GPHN: variants seen among roughly 807,000 people sequenced by gnomAD.
The protein encoded by GPHN is gephyrin.
GPHN carries 17 observed loss-of-function variants against 95.5 expected under a neutral mutation model. The observed-to-expected ratio is 0.18, with a 90% CI of 0.12 to 0.27. The LOEUF is 0.27. Ranked by LOEUF, GPHN falls within the 10% of genes least tolerant of loss-of-function variation. The pLI, the probability that GPHN is intolerant of heterozygous loss-of-function variation, is 1.00. For synonymous variants in GPHN, 320 were observed against 322.5 expected (o/e 0.99, Z 0.08); for missense variants, 660 against 978.1 (o/e 0.67, Z 4.34).
chr14:66,652,772 A>G (rs2065107910), intron 1 of GPHN, among the ~76,000 whole-genome samples: 1 of 152,116 alleles, frequency 6.6e-6, no homozygotes, highest in African/African-American at 2.4e-5. Flanking sequence ...AGAGAAGCAT[A>G]CAGATCAGAC....
chr14:67,109,540 A>G (rs927638478), intron 13 of GPHN, among the ~76,000 whole-genome samples: 2 of 152,222 alleles, frequency 1.3e-5, no homozygotes, highest in African/African-American at 4.8e-5. Flanking sequence ...AACCTAGGTC[A>G]TTACAGACAC....
chr14:67,676,052 G>A, the GPHN span, among the ~76,000 whole-genome samples: 3 of 152,074 alleles, frequency 2.0e-5, no homozygotes, highest in African/African-American at 2.4e-5. Context: ...AGCTGAGATC[G>A]TGCCACCACA....
intron 19 of GPHN, among the ~76,000 whole-genome samples, chr14:67,160,119 G>A (rs930063079): frequency 1.3e-5 from 2 of 151,958 alleles, no homozygotes; most frequent in African/African-American, 4.8e-5. Context: ...CATTAAGGTC[G>A]ACTCAGTGTA....
At chr14:66,931,598 C>T (rs994702183) in intron 8 of GPHN, among the ~76,000 whole-genome samples, 2 of 152,068 alleles carry the variant, frequency 1.3e-5, no homozygotes, top group African/African-American at 2.4e-5. Context: ...AATAGCCTGT[C>T]TTCAAGCTTA....
the GPHN span, among the ~76,000 whole-genome samples, chr14:67,575,151 G>T: frequency 6.6e-6 from 1 of 152,082 alleles, no homozygotes; most frequent in Admixed American, 6.6e-5. Context: ...CATCTGATTG[G>T]CCTGGCTAAT....
the GPHN span, chr14:67,576,079 G>A: frequency 6.5e-6 from 8 of 1,222,050 alleles, no homozygotes; most frequent in Non-Finnish European, 9.2e-6. The surrounding 1 kb of genome is among the most constrained non-coding windows in gnomAD (Gnocchi z 4.0). Flanking sequence ...TCTTTCTCCT[G>A]AGCTTCCCAA....
the GPHN span, among the ~76,000 whole-genome samples, chr14:67,636,072 T>A: frequency 6.6e-6 from 1 of 152,004 alleles, no homozygotes; most frequent in Admixed American, 6.6e-5. Context: ...AGAAACAATT[T>A]GGAAAAACTG....
At chr14:66,818,173 G>T (rs939097652) in intron 3 of GPHN, among the ~76,000 whole-genome samples, 2 of 151,988 alleles carry the variant, frequency 1.3e-5, no homozygotes, top group Non-Finnish European at 2.9e-5. Flanking sequence ...GTAAACATAT[G>T]TCATGAGGGT....
chr14:67,419,917 G>A, the GPHN span, among the ~76,000 whole-genome samples: 6 of 152,194 alleles, frequency 3.9e-5, no homozygotes, highest in Non-Finnish European at 7.3e-5. Context: ...CCCAGAGCGG[G>A]TGCTTTTTTC....
At chr14:66,547,779 G>A (rs1184605501) in intron 1 of GPHN, among the ~76,000 whole-genome samples, 34 of 152,104 alleles carry the variant, frequency 2.2e-4, no homozygotes, top group Admixed American at 2.1e-3. Flanking sequence ...TTTATGCTGG[G>A]TTCATGTACT....
the GPHN span, among the ~76,000 whole-genome samples, chr14:67,464,599 C>T: frequency 1.3e-5 from 2 of 152,144 alleles, no homozygotes. Flanking sequence ...CTTGTACCAG[C>T]TGTTTCCTCT....
the GPHN span, among the ~76,000 whole-genome samples, chr14:67,673,003 T>A: frequency 6.6e-6 from 1 of 152,242 alleles, no homozygotes; most frequent in African/African-American, 2.4e-5. Flanking sequence ...TGACACTCAC[T>A]TCTCCCTGAT....
the GPHN span, among the ~76,000 whole-genome samples, chr14:67,689,896 G>A: frequency 6.6e-6 from 1 of 151,898 alleles, no homozygotes; most frequent in Admixed American, 6.6e-5. Context: ...AGTGAGCCGA[G>A]ATTGCACCAT....
At chr14:67,003,056 T>C (rs1308188842) in intron 9 of GPHN, among the ~76,000 whole-genome samples, 1 of 151,614 alleles carries the variant, frequency 6.6e-6, no homozygotes, top group Non-Finnish European at 1.5e-5. Flanking sequence ...GTCTTTCTTT[T>C]CATTCTGCCA....
At chr14:67,505,145 A>G in the GPHN span, among the ~76,000 whole-genome samples, 3 of 152,146 alleles carry the variant, frequency 2.0e-5, no homozygotes, top group Non-Finnish European at 4.4e-5. Context: ...CCAAAGAAGG[A>G]TGCGCATTTT....
chr14:67,558,274 C>G, the GPHN span, among the ~76,000 whole-genome samples: 1 of 152,208 alleles, frequency 6.6e-6, no homozygotes, highest in Non-Finnish European at 1.5e-5. Flanking sequence ...GGACAGATGA[C>G]TTTTAATTTC....
chr14:66,992,686 T>A (rs1195487541), intron 9 of GPHN, among the ~76,000 whole-genome samples: 1 of 152,182 alleles, frequency 6.6e-6, no homozygotes, highest in African/African-American at 2.4e-5. Flanking sequence ...CTTTTATTTT[T>A]ATTGAGTTAA....
chr14:67,115,242 A>G (rs186935577), intron 16 of GPHN, among the ~76,000 whole-genome samples: 1 of 134,664 alleles, frequency 7.4e-6, no homozygotes, highest in African/African-American at 2.7e-5. Context: ...AATTGGTGAT[A>G]AAAAAAAAAG....
chr14:66,959,263 G>T (rs967851927), intron 8 of GPHN, among the ~76,000 whole-genome samples: 5 of 151,748 alleles, frequency 3.3e-5, no homozygotes, highest in African/African-American at 1.2e-4. Context: ...ACTGACCTTT[G>T]TGTTTACCTA....
Sources: gnomAD v4.1 joint callset for allele counts (sites outside exome capture counted in the v4.1 genomes callset) on GRCh38, gnomAD v4.1.1 for gene constraint, Gnocchi (gnomAD v3.1) non-coding constraint, MANE v1.5 for transcripts, NCBI Gene and HGNC (gene_info 2026-07-23, HGNC 2026-07-21) for gene names.